ADRA1B: variants seen among roughly 807,000 people sequenced by gnomAD.
ADRA1B encodes the protein adrenoceptor alpha 1B.
Under a neutral mutation model 17.9 loss-of-function variants are expected in ADRA1B, and 17 were observed. That is an observed-to-expected ratio of 0.95 (90% CI 0.65 to 1.42). The LOEUF is 1.42. ADRA1B is among the 40% of genes most tolerant of loss of function. The pLI is 0.00. For synonymous variants in ADRA1B, 366 were observed against 327.6 expected (o/e 1.12, Z -1.27); for missense variants, 681 against 722.1 (o/e 0.94, Z 0.65).
chr5:159,951,319 T>C, intron 1 of ADRA1B: 1 of 1,340,752 alleles, frequency 7.5e-7, no homozygotes, highest in Non-Finnish European at 1.1e-6. Flanking sequence ...TTCTCAGCCT[T>C]GACAGTGCCA....
At chr5:159,981,043 G>A in the ADRA1B span, among the ~76,000 whole-genome samples, 1 of 152,146 alleles carries the variant, frequency 6.6e-6, no homozygotes, top group East Asian at 1.9e-4. Context: ...TCCAGGAGCT[G>A]GACTCATGAA....
chr5:159,899,314 G>GGAAGGAAGGAAGGAAA (rs1754075719), intron 1 of ADRA1B, among the ~76,000 whole-genome samples: 1 of 138,722 alleles, frequency 7.2e-6, no homozygotes, highest in Non-Finnish European at 1.6e-5. Context: ...AAGGAAGGAA[G>GGAAGGAAGGAAGGAAA]GAAAGAAGGA....
At chr5:159,901,885 T>A (rs1754104500) in intron 1 of ADRA1B, among the ~76,000 whole-genome samples, 1 of 152,174 alleles carries the variant, frequency 6.6e-6, no homozygotes, top group Non-Finnish European at 1.5e-5. Flanking sequence ...TTGGAAGCCT[T>A]GCACACTGTT....
chr5:159,940,164 T>C (rs1010131673), intron 1 of ADRA1B, among the ~76,000 whole-genome samples: 1 of 152,254 alleles, frequency 6.6e-6, no homozygotes, highest in Non-Finnish European at 1.5e-5. Context: ...GAATTCTGTG[T>C]GTACTGGCAA....
intron 1 of ADRA1B, among the ~76,000 whole-genome samples, chr5:159,878,898 G>C (rs1295323992): frequency 6.6e-6 from 1 of 152,128 alleles, no homozygotes; most frequent in East Asian, 1.9e-4. Context: ...TGCCAGAGTG[G>C]ATAAGACAGA....
At chr5:159,922,846 G>A (rs1196249817) in intron 1 of ADRA1B, among the ~76,000 whole-genome samples, 1 of 152,232 alleles carries the variant, frequency 6.6e-6, no homozygotes, top group Non-Finnish European at 1.5e-5. Context: ...CATAGAATTT[G>A]GCTCTAGTAG....
intron 1 of ADRA1B, among the ~76,000 whole-genome samples, chr5:159,896,324 T>C (rs7705230): frequency 0.013 from 1,942 of 152,322 alleles, 42 homozygotes; most frequent in African/African-American, 0.044. Flanking sequence ...TTAGATAAAC[T>C]TAAATTTTTA....
intron 1 of ADRA1B, among the ~76,000 whole-genome samples, chr5:159,892,315 G>T: frequency 6.6e-6 from 1 of 152,298 alleles, no homozygotes. Flanking sequence ...TTATATAACA[G>T]CTTTATGAGC....
intron 1 of ADRA1B, among the ~76,000 whole-genome samples, chr5:159,971,357 C>T (rs1475964370): frequency 6.6e-6 from 1 of 152,136 alleles, no homozygotes. Flanking sequence ...TTTTTCTTCA[C>T]CCCTAGATCA....
chr5:159,948,444 A>G, intron 1 of ADRA1B: 2 of 985,436 alleles, frequency 2.0e-6, no homozygotes, highest in Non-Finnish European at 2.4e-6. Flanking sequence ...AACAGAAATC[A>G]GTCATCATGT....
intron 1 of ADRA1B, among the ~76,000 whole-genome samples, chr5:159,944,427 T>C (rs1040454395): frequency 3.3e-5 from 5 of 152,216 alleles, no homozygotes; most frequent in African/African-American, 1.2e-4. Context: ...TCTCTGTTAA[T>C]CAGTTAATTA....
chr5:159,912,703 A>G (rs1177081422), upstream of ADRA1B, among the ~76,000 whole-genome samples: 3 of 152,266 alleles, frequency 2.0e-5, no homozygotes, highest in East Asian at 3.8e-4. Context: ...GGCCTTGGCC[A>G]TGTCACAGAA....
At chr5:159,920,882 G>A (rs111242686) in intron 1 of ADRA1B, among the ~76,000 whole-genome samples, 72 of 152,328 alleles carry the variant, frequency 4.7e-4, no homozygotes, top group African/African-American at 1.7e-3. Context: ...CTCATAAGGG[G>A]AGGAAGCAGA....
chr5:159,868,155 G>A (rs563690063), intron 1 of ADRA1B: 1 of 152,206 alleles, frequency 6.6e-6, no homozygotes, highest in East Asian at 1.9e-4. Context: ...TCATTGCAAA[G>A]AATAAATAAG....
downstream of ADRA1B, among the ~76,000 whole-genome samples, chr5:159,974,747 T>C (rs1755945415): frequency 6.6e-6 from 1 of 152,034 alleles, no homozygotes; most frequent in African/African-American, 2.4e-5. Flanking sequence ...CAAGGAAAAT[T>C]ACATTTTCAT....
intron 1 of ADRA1B, chr5:159,951,301 G>A (rs1165967669): frequency 1.5e-6 from 2 of 1,333,220 alleles, no homozygotes; most frequent in Non-Finnish European, 2.1e-6. Flanking sequence ...TTGATGACAA[G>A]CTTCCCTTTC....
chr5:159,955,131 A>C (rs973028293), intron 1 of ADRA1B: 1 of 984,954 alleles, frequency 1.0e-6, no homozygotes. Flanking sequence ...ATACCGAAAG[A>C]CAAGAAAGGG....
At chr5:159,941,434 G>A (rs1284949262) in intron 1 of ADRA1B, among the ~76,000 whole-genome samples, 4 of 152,186 alleles carry the variant, frequency 2.6e-5, no homozygotes. Context: ...TTATGGCAAT[G>A]TAGAAGGGCA....
At chr5:159,978,796 C>G in the ADRA1B span, among the ~76,000 whole-genome samples, 1 of 152,158 alleles carries the variant, frequency 6.6e-6, no homozygotes, top group East Asian at 1.9e-4. Flanking sequence ...CTAGTGAATG[C>G]TCTCAAATAT....
Sources: gnomAD v4.1 joint callset for allele counts (sites outside exome capture counted in the v4.1 genomes callset) on GRCh38, gnomAD v4.1.1 for gene constraint, MANE v1.5 for transcripts, NCBI Gene and HGNC (gene_info 2026-07-23, HGNC 2026-07-21) for gene names.